The following MYBL2 variants were observed in gnomAD, a reference collection of about 807,000 sequenced individuals.
MYBL2 encodes the protein myb-related protein B.
A neutral mutation model predicts 79.9 loss-of-function variants in MYBL2; 28 were observed. The observed-to-expected ratio is 0.35, with a 90% CI of 0.26 to 0.48. MYBL2 has a LOEUF of 0.48. MYBL2 is among the 20% of genes least tolerant of loss of function. MYBL2 has a pLI of 0.99. For synonymous variants in MYBL2, 378 were observed against 361.2 expected, an observed-to-expected ratio of 1.05 and a Z score of -0.53; for missense variants, 735 against 893.9, an observed-to-expected ratio of 0.82 and a Z score of 2.27.
intron 10 of MYBL2, 82 bp from the exon 11 acceptor site, chr20:43,711,406 G>A (rs1393125656): frequency 9.5e-7 from 1 of 1,048,082 alleles, no homozygotes; most frequent in African/African-American, 1.6e-5. Context: ...CAGCCCAGTT[G>A]CAGCTGGGTT....
At chr20:43,683,014 C>A in intron 4 of MYBL2, 128 bp downstream of exon 4, 1 of 825,396 alleles carries the variant, frequency 1.2e-6, no homozygotes, top group Non-Finnish European at 2.1e-6. Flanking sequence ...TGTCTACCAG[C>A]CAGTCTGGAC....
chr20:43,667,486 T>TG (rs1986746681), intron 1 of MYBL2, among the ~76,000 whole-genome samples, 183 bp downstream of exon 1: 1 of 151,834 alleles, frequency 6.6e-6, no homozygotes, highest in African/African-American at 2.4e-5. Context: ...CGCGTAAAGC[T>TG]GGGGGGCTCT....
Sources: allele counts gnomAD v4.1 joint callset (sites outside exome capture counted in the v4.1 genomes callset), GRCh38; gene constraint gnomAD v4.1.1; transcripts MANE v1.5; gene names NCBI Gene and HGNC (gene_info 2026-07-23, HGNC 2026-07-21).